Variants in DLG2 observed in about 807,000 individuals in gnomAD.
The protein encoded by DLG2 is disks large homolog 2.
DLG2 carries 45 observed loss-of-function variants against 132.5 expected under a neutral mutation model. The observed-to-expected ratio is 0.34, with a 90% CI of 0.27 to 0.44. DLG2 has a LOEUF of 0.44. DLG2 is among the 20% of genes least tolerant of loss of function. The pLI, the probability that DLG2 is intolerant of heterozygous loss-of-function variation, is 1.00. For synonymous variants in DLG2, 424 were observed against 419.6 expected (o/e 1.01, Z -0.13); for missense variants, 1,045 against 1,196.9 (o/e 0.87, Z 1.87).
chr11:83,528,713 C>A (rs1008255363), intron 21 of DLG2, among the ~76,000 whole-genome samples: 7 of 152,144 alleles, frequency 4.6e-5, no homozygotes, highest in Admixed American at 1.3e-4. Flanking sequence ...CTTAGGCAAG[C>A]TAGTTAATCC....
intron 12 of DLG2, among the ~76,000 whole-genome samples, chr11:83,979,264 GCA>G (rs1285431039): frequency 6.6e-6 from 1 of 152,108 alleles, no homozygotes; most frequent in Non-Finnish European, 1.5e-5. Flanking sequence ...TCCAAAACTT[GCA>G]CAGGTCATAA....
chr11:83,507,758 TTATATATATA>T (rs59086507), intron 21 of DLG2, among the ~76,000 whole-genome samples: 6,122 of 99,738 alleles, frequency 0.061, 196 homozygotes, highest in East Asian at 0.18. Flanking sequence ...TATATTTTTA[TTATATATATA>T]TATATATATA....
rs1266402520 is a variant in DLG2 at position 85,583,128 on chromosome 11, GTGTATATATATATATATATATATATATA to G, written c.40+15501_40+15528del. ...TGTGTGTGTGTGTGTGTGTGTGTGT[GTGTATATATATATATATATATATATATA>G]TATATATATATATGTTTTGTTTGTT... is the stretch of plus-strand genomic sequence containing the variant. On this transcript the variant is annotated intron_variant, in intron 3 of 27. Transcript: ENST00000376104. Among the ~76,000 whole-genome samples, 175 of 27,432 alleles carry G rather than the reference GTGTATATATATATATATATATATATATA, an allele frequency of 6.4e-3. 2 individuals carry two copies. Among genetic ancestry groups the G allele is most frequent in the African/African-American group, 0.018 (167 of 9,102 alleles). The allele number at this position is 27,432 out of a possible 152,430, so 18.0% of individuals were successfully genotyped here. A position where few individuals can be genotyped will look rare whatever the true frequency, so the allele number is the denominator to read the frequency against.
intron 11 of DLG2, 29 bp from the exon 12 acceptor site, chr11:83,980,671 C>G (rs767446764): frequency 6.7e-7 from 1 of 1,503,426 alleles, no homozygotes; most frequent in Admixed American, 2.3e-5. Context: ...AAATGGAAAG[C>G]CTTGTTTTGT....
chr11:85,524,746 A>G (rs971098011), intron 3 of DLG2, among the ~76,000 whole-genome samples: 1 of 152,168 alleles, frequency 6.6e-6, no homozygotes, highest in Admixed American at 6.6e-5. Flanking sequence ...CTCCAACCTC[A>G]GCCTTCCAAA....
At chr11:85,220,637 A>AAATATATATATATATATAT (rs371263007) in intron 4 of DLG2, among the ~76,000 whole-genome samples, 1 of 148,262 alleles carries the variant, frequency 6.7e-6, no homozygotes, top group African/African-American at 2.5e-5. Flanking sequence ...TAGAAAAAAA[A>AAATATATATATATATATAT]ATATATATAT....
At chr11:85,407,462 C>G (rs2088863255) in intron 3 of DLG2, among the ~76,000 whole-genome samples, 1 of 151,694 alleles carries the variant, frequency 6.6e-6, no homozygotes, top group Non-Finnish European at 1.5e-5. Context: ...AAATAAGAAT[C>G]CAAAAAAGAA....
chr11:84,658,827 G>T (rs1487628194), intron 6 of DLG2, among the ~76,000 whole-genome samples: 1 of 152,116 alleles, frequency 6.6e-6, no homozygotes, highest in East Asian at 1.9e-4. Context: ...TATAAGCCAA[G>T]TAACCCTCTT....
intron 8 of DLG2, among the ~76,000 whole-genome samples, chr11:84,165,718 T>G (rs2095646563): frequency 6.6e-6 from 1 of 151,976 alleles, no homozygotes; most frequent in Non-Finnish European, 1.5e-5. Flanking sequence ...GCCAATATGG[T>G]GAAACCCCGT....
At chr11:84,242,132 T>G (rs1454919308) in intron 8 of DLG2, among the ~76,000 whole-genome samples, 1 of 152,186 alleles carries the variant, frequency 6.6e-6, no homozygotes, top group South Asian at 2.1e-4. Flanking sequence ...CGGGCCAATA[T>G]TGCTACTTTC....
intron 20 of DLG2, among the ~76,000 whole-genome samples, chr11:83,533,672 A>G (rs777847319): frequency 4.6e-5 from 7 of 152,208 alleles, no homozygotes; most frequent in Non-Finnish European, 1.0e-4. Context: ...CAACCTGAAG[A>G]TATGAGTGAG....
At chr11:85,426,045 G>A (rs879346564) in intron 3 of DLG2, among the ~76,000 whole-genome samples, 27 of 152,310 alleles carry the variant, frequency 1.8e-4, no homozygotes, top group Middle Eastern at 3.4e-3. Flanking sequence ...CATTGCTAGC[G>A]CAGCAGTCTG....
intron 15 of DLG2, among the ~76,000 whole-genome samples, chr11:83,889,143 A>G (rs1367039927): frequency 1.3e-5 from 2 of 152,172 alleles, no homozygotes; most frequent in East Asian, 3.8e-4. Flanking sequence ...GCACAGCAAA[A>G]GAAACTACCA....
intron 6 of DLG2, among the ~76,000 whole-genome samples, chr11:84,855,412 C>A (rs1418754456): frequency 6.6e-6 from 1 of 151,960 alleles, no homozygotes; most frequent in African/African-American, 2.4e-5. Context: ...TGCCTTGTTT[C>A]TTACTTAAAC....
At chr11:84,992,047 C>T (rs2057175735) in intron 6 of DLG2, among the ~76,000 whole-genome samples, 1 of 152,132 alleles carries the variant, frequency 6.6e-6, no homozygotes. Flanking sequence ...TACCAATGGC[C>T]TTTCCACATG....
chr11:85,185,789 T>C (rs934760416), intron 4 of DLG2, among the ~76,000 whole-genome samples: 1 of 151,916 alleles, frequency 6.6e-6, no homozygotes, highest in Non-Finnish European at 1.5e-5. Context: ...ATATTACATA[T>C]TAAGCATTAT....
chr11:84,146,138 T>C (rs1169363268), intron 9 of DLG2, among the ~76,000 whole-genome samples: 1 of 152,190 alleles, frequency 6.6e-6, no homozygotes, highest in Non-Finnish European at 1.5e-5. Flanking sequence ...AATTGCTCTT[T>C]CATTCTTGGA....
intron 6 of DLG2, among the ~76,000 whole-genome samples, chr11:85,016,178 T>C (rs1022913167): frequency 2.6e-4 from 40 of 152,178 alleles, no homozygotes; most frequent in South Asian, 2.1e-4. Context: ...ACTCTAACAG[T>C]TGAGAAAATA....
At chr11:84,664,054 C>G (rs73513109) in intron 6 of DLG2, among the ~76,000 whole-genome samples, 1 of 152,136 alleles carries the variant, frequency 6.6e-6, no homozygotes, top group Non-Finnish European at 1.5e-5. Flanking sequence ...AGAACAACAA[C>G]GACTATTTTA....
Sources: gnomAD v4.1 joint callset for allele counts (sites outside exome capture counted in the v4.1 genomes callset) on GRCh38, gnomAD v4.1.1 for gene constraint, MANE v1.5 for transcripts, NCBI Gene and HGNC (gene_info 2026-07-23, HGNC 2026-07-21) for gene names.